Variants in ISLR2 observed in about 807,000 individuals in gnomAD.
ISLR2 encodes immunoglobulin superfamily containing leucine-rich repeat protein 2.
A neutral mutation model predicts 25.5 loss-of-function variants in ISLR2; 16 were observed. The ratio of observed to expected loss-of-function variants is 0.63; its 90% confidence interval spans 0.43 to 0.95. The LOEUF (loss-of-function observed/expected upper bound fraction) is 0.95, where lower values mean the gene tolerates loss of function less well. Ranked by LOEUF, ISLR2 falls within the 40% of genes least tolerant of loss-of-function variation. The pLI, the probability that ISLR2 is intolerant of heterozygous loss-of-function variation, is 0.00. For missense variants in ISLR2, 883 were observed against 1,030.7 expected (o/e 0.86, Z 1.96); for synonymous variants, 508 against 486.6 (o/e 1.04, Z -0.58).
chr15:74,133,246 T>G lies in ISLR2; in HGVS notation c.492T>G (p.Pro164=). The change falls in exon 3 of 3, where the codon CCT becomes CCG. Residue 164 remains proline (P), a synonymous_variant. Transcript: ENST00000453268. ...INNNRLRTLA[P]GTFDALSALS... is the part of the protein sequence containing the mutation. ...ACAACCGGCTGCGTACGCTGGCGCC[T>G]GGCACCTTCGACGCGCTTAGCGCGC... 1 of 1,612,318 alleles carries G rather than the reference T, an allele frequency of 6.2e-7. No homozygotes were observed. Among genetic ancestry groups the G allele is most frequent in the Non-Finnish European group, 8.5e-7 (1 of 1,180,006 alleles).
In ISLR2 at chr15:74,136,453, CTT is replaced by C. The variant is rs1371518996; in HGVS notation, c.*1462_*1463del. The C allele has an allele frequency of 1.8e-5, 3 of 165,790 alleles. No homozygotes were observed. Among genetic ancestry groups the C allele is most frequent in the Non-Finnish European group, 4.4e-5 (3 of 68,214 alleles). 10.3% of individuals were successfully genotyped at this position (165,790 alleles called of 1,614,324 possible). On this transcript the variant is annotated 3_prime_UTR_variant, in exon 3 of 3. Coordinates refer to ENST00000453268, the MANE Select transcript of ISLR2 (RefSeq NM_020851.3). ...CGTCGCCCCGCCCCACCCGCCCCTGCTTCGGCGGGAATCGTGTTTGCCCGGCG... is the reference window on the plus strand; with the variant it reads ...CGTCGCCCCGCCCCACCCGCCCCTGCCGGCGGGAATCGTGTTTGCCCGGCG...
chr15:74,140,545 C>T (rs927563544), downstream of ISLR2, among the ~76,000 whole-genome samples: 7 of 152,202 alleles, frequency 4.6e-5, no homozygotes, highest in African/African-American at 7.2e-5. Context: ...TATGTAAGCA[C>T]AGAGCAAGGG....
At chr15:74,122,843 T>G (rs1170011226) in intron 2 of ISLR2, among the ~76,000 whole-genome samples, 1 of 151,370 alleles carries the variant, frequency 6.6e-6, no homozygotes, top group Non-Finnish European at 1.5e-5. Context: ...GAGCTTTGAG[T>G]CTGGGGGATG....
At chr15:74,115,332 A>G (rs2072202226) in intron 2 of ISLR2, among the ~76,000 whole-genome samples, 1 of 152,218 alleles carries the variant, frequency 6.6e-6, no homozygotes, top group Non-Finnish European at 1.5e-5. Context: ...AGAGTCCCTC[A>G]CTATTTAAAG....
In ISLR2 at chr15:74,133,415, C is replaced by T. The variant is rs752766833; in HGVS notation, c.661C>T (p.Pro221Ser). The change falls in exon 3 of 3, where the codon CCG (proline) becomes TCG (serine). Residue 221 changes from proline to serine, a missense_variant. Physicochemically the swap from Pro to Ser is moderately conservative, Grantham distance 74 (BLOSUM62 -1). This residue lies in a region of ISLR2 where 271 missense variants were observed against 387.9 expected (regional missense o/e 0.70). Coordinates refer to ENST00000453268, the MANE Select transcript of ISLR2 (RefSeq NM_020851.3). ...CTCGCCTCCCGCGCTGCAGGGGGTG[C>T]CGGTGTACCGCCTGCCCGCCCTGCC... ...CASPPALQGV[P>S]VYRLPALPCA... 2 of 1,606,890 alleles carry T rather than the reference C, an allele frequency of 1.2e-6. No homozygotes were observed. Among genetic ancestry groups the T allele is most frequent in the African/African-American group, 1.3e-5 (1 of 74,938 alleles).
downstream of ISLR2, among the ~76,000 whole-genome samples, chr15:74,139,863 A>AGTGTGTGTGT (rs10579764): frequency 5.9e-4 from 75 of 128,112 alleles, 1 homozygote; most frequent in African/African-American, 2.1e-3. Context: ...CGGCTTGAGG[A>AGTGTGTGTGT]GTGTGTGTGT....
chr15:74,122,209 C>G (rs1469873942), intron 2 of ISLR2, among the ~76,000 whole-genome samples: 3 of 152,260 alleles, frequency 2.0e-5, no homozygotes, highest in South Asian at 2.1e-4. Flanking sequence ...TGGCCTCTGT[C>G]TCCCTCCCAG....
intron 2 of ISLR2, among the ~76,000 whole-genome samples, chr15:74,122,856 G>C (rs1350623266): frequency 1.3e-5 from 2 of 152,024 alleles, no homozygotes; most frequent in Admixed American, 6.5e-5. Context: ...GGGGGATGGA[G>C]GAGGAGGAGG....
rs759681310 is a variant in ISLR2 at position 74,134,359 on chromosome 15, G to A, written c.1605G>A (p.Ala535=). 1 of 1,598,640 alleles carries A rather than the reference G, an allele frequency of 6.3e-7. No individual in the cohort carries two copies. ...TGCGCCTACTCTATCTGTGTCCAGCGGGGGGCGGCGCGGCAGTGCAGTGGT... is the reference window on the plus strand; with the variant it reads ...TGCGCCTACTCTATCTGTGTCCAGCAGGGGGCGGCGCGGCAGTGCAGTGGT... The part of the protein sequence containing the change: ...RPLRLLYLCP[A]GGGAAVQWSR... Residue 535 remains alanine (A), a synonymous_variant, in exon 3 of 3, where the codon GCG becomes GCA. Coordinates refer to ENST00000453268, the MANE Select transcript of ISLR2 (RefSeq NM_020851.3).
At chr15:74,125,892 A>G (rs2072290951), upstream of ISLR2, 2 of 152,242 alleles carry the variant, frequency 1.3e-5, 1 homozygote, top group South Asian at 4.1e-4. Context: ...GAAAATAATT[A>G]AAGTCACAAA....
chr15:74,106,537 C>A (rs1481793464), intron 2 of ISLR2, among the ~76,000 whole-genome samples: 2 of 152,080 alleles, frequency 1.3e-5, no homozygotes, highest in African/African-American at 2.4e-5. Context: ...GAGAGCTGGG[C>A]AGGCTGGATC....
chr15:74,101,912 C>A (rs1436656726), intron 1 of ISLR2, among the ~76,000 whole-genome samples: 2 of 22,946 alleles, frequency 8.7e-5, no homozygotes, highest in Non-Finnish European at 1.6e-4. Context: ...CATCTCAAAA[C>A]AAAAAAAGGA....
upstream of ISLR2, chr15:74,126,275 CTAAG>C (rs1436238219): frequency 6.6e-6 from 1 of 151,100 alleles, no homozygotes; most frequent in Non-Finnish European, 1.5e-5. Context: ...GTACTGAGCA[CTAAG>C]TGTCAGGTAC....
At chr15:74,127,352 C>T (rs1357297935), upstream of ISLR2, 1 of 152,160 alleles carries the variant, frequency 6.6e-6, no homozygotes, top group African/African-American at 2.4e-5. Flanking sequence ...AGTCATAAGA[C>T]TCAGAGAGAA....
At position 74,132,281 on chromosome 15, in the gene ISLR2, G is replaced by C. The variant is rs985629957; in HGVS notation, c.-8-466G>C. 1.3e-5 allele frequency among the ~76,000 whole-genome samples: 2 copies of C among 152,194 alleles called. No individual in the cohort carries two copies. The highest frequency in any genetic ancestry group is 1.5e-5 in the Non-Finnish European group (1 of 68,032). ...ATGAAGCCCCGCGTCTGTTTGTATT[G>C]TTGTGTGCCTGCATGGGCGTGTGTG... On this transcript the variant is annotated intron_variant, in intron 2 of 2. Transcript: ENST00000453268. The surrounding 1 kb of genome is among the most constrained non-coding windows in gnomAD (Gnocchi z 4.3).
At chr15:74,139,910 G>A (rs1002030803), downstream of ISLR2, among the ~76,000 whole-genome samples, 2 of 120,622 alleles carry the variant, frequency 1.7e-5, no homozygotes, top group Non-Finnish European at 3.5e-5. Context: ...GTGTGTGTGT[G>A]TGTCTTGAGA....
upstream of ISLR2, chr15:74,128,323 C>T (rs1040935844): frequency 2.4e-5 from 10 of 413,522 alleles, no homozygotes; most frequent in Admixed American, 3.1e-4. Flanking sequence ...GGGCGTCTTT[C>T]CCCCAGGGCA....
At chr15:74,103,873 T>G (rs1252046668) in exon 2 of ISLR2, 8 of 150,528 alleles carry the variant, frequency 5.3e-5, no homozygotes, top group Non-Finnish European at 1.2e-4. Flanking sequence ...GCTCTCCTTC[T>G]CTCTCCTGCT....
upstream of ISLR2, among the ~76,000 whole-genome samples, chr15:74,125,452 C>A (rs2072287690): frequency 6.6e-6 from 1 of 152,160 alleles, no homozygotes; most frequent in African/African-American, 2.4e-5. Context: ...GTTGCCCAAG[C>A]TGGTCTTAAA....
Sources: allele counts gnomAD v4.1 joint callset (sites outside exome capture counted in the v4.1 genomes callset), GRCh38; gene constraint gnomAD v4.1.1; regional missense constraint gnomAD v4.1.1; non-coding constraint Gnocchi (gnomAD v3.1); transcripts MANE v1.5; gene names NCBI Gene and HGNC (gene_info 2026-07-23, HGNC 2026-07-21).